Variants in NSMF observed in about 807,000 individuals in gnomAD.
The protein encoded by NSMF is nasal embryonic LHRH factor.
A neutral mutation model predicts 71.0 loss-of-function variants in NSMF; 31 were observed. That is an observed-to-expected ratio of 0.44 (90% confidence interval 0.33 to 0.59). The LOEUF is 0.59. Ranked by LOEUF, NSMF falls within the 20% of genes least tolerant of loss-of-function variation. The pLI is 0.04. For synonymous variants in NSMF, 345 were observed against 287.1 expected (o/e 1.20, Z -2.04); for missense variants, 673 against 740.5 (o/e 0.91, Z 1.06).
intron 1 of NSMF, 152 bp from the exon 2 acceptor site, chr9:137,458,701 G>A (rs1436984634): frequency 5.0e-6 from 4 of 802,150 alleles, no homozygotes; most frequent in Admixed American, 4.0e-5. Flanking sequence ...ACACACCCTT[G>A]GTCCTGGTGC....
At chr9:137,456,207 T>TGGG (rs375727289) in intron 4 of NSMF, among the ~76,000 whole-genome samples, 5 of 103,118 alleles carry the variant, frequency 4.8e-5, no homozygotes, top group African/African-American at 1.4e-4. Context: ...TGTGTGTGTG[T>TGGG]GGGGGGGGGG....
Position 137,449,964 on chromosome 9 carries a change from T to C in NSMF, c.1378A>G (p.Ile460Val), listed in dbSNP as rs1830387558. ...TTCCCCAGAATGTAGCAGCCCATGA[T>C]GTGGATGACGTTCGGCTCTGGGTTC... Reference protein sequence around the residue: ...KVNPEPNVIHIMGCYILGNPN... With the variant: ...KVNPEPNVIHVMGCYILGNPN... Residue 460 changes from isoleucine to valine, a missense_variant, in exon 14 of 16, where the codon ATC (isoleucine) becomes GTC (valine). By Grantham distance (29) the Ile-to-Val change is conservative. This residue lies in a region of NSMF where 202 missense variants were observed against 280.8 expected (regional missense o/e 0.72). Transcript: ENST00000371475. 10 of 1,613,070 alleles carry C rather than the reference T, an allele frequency of 6.2e-6. No individual in the cohort carries two copies. Among genetic ancestry groups the C allele is most frequent in the African/African-American group, 2.7e-5 (2 of 74,894 alleles).
intron 12 of NSMF, among the ~76,000 whole-genome samples, chr9:137,451,105 A>T (rs990391599): frequency 4.5e-5 from 1 of 22,304 alleles, no homozygotes; most frequent in African/African-American, 2.3e-4. Flanking sequence ...TTCCCCTGCC[A>T]CACGTCTCTT....
In NSMF at chr9:137,449,378, C is replaced by G. The variant is rs780056337; in HGVS notation, c.*16G>C. 1.9e-6 allele frequency: 3 copies of G among 1,606,510 alleles called. No individual in the cohort carries two copies. Among genetic ancestry groups the G allele is most frequent in the East Asian group, 2.2e-5 (1 of 44,818 alleles). On this transcript the variant is annotated 3_prime_UTR_variant, in exon 16 of 16. Coordinates refer to ENST00000371475, the MANE Select transcript of NSMF (RefSeq NM_001130969.3). ...AGGGAGTGGCCTGATGGTGACTGGG[C>G]GGAGGCCTCTGCCCCTCACAGGACG...
Position 137,457,813 on chromosome 9 carries a change from G to A in NSMF, c.222C>T (p.Val74=), listed in dbSNP as rs548587622. The change falls in exon 3 of 16, where the codon GTC becomes GTT. Residue 74 remains valine (V), a synonymous_variant. Transcript: ENST00000371475. The part of the protein sequence containing the change: ...APQNKRRLSL[V]SNGCYEGSLS... The stretch of plus-strand genomic sequence containing the variant: ...GGCTGCCCTCGTAGCAGCCGTTGGA[G>A]ACGAGGGACAGGCGGCGCTTGTTCT... The A allele has an allele frequency of 2.6e-6, 4 of 1,558,180 alleles. No homozygotes were observed. Among genetic ancestry groups the A allele is most frequent in the Non-Finnish European group, 3.5e-6 (4 of 1,151,156 alleles).
rs542963676 is a variant in NSMF at position 137,455,269 on chromosome 9, C to A, written c.749G>T (p.Arg250Leu). The stretch of plus-strand genomic sequence containing the variant: ...GATTACAGACGCGGAATCATTCTCC[C>A]GTTTCCGGCGCTTCCTCTCCGCGTA... Reference protein sequence around the residue: ...RGYAERKRRKRENDSASVIQR... With the variant: ...RGYAERKRRKLENDSASVIQR... The change falls in exon 6 of 16, where the codon CGG becomes CTG. Residue 250 changes from arginine (R) to leucine (L), a missense_variant. This residue lies in a region of NSMF where 471 missense variants were observed against 459.6 expected (regional missense o/e 1.02). Coordinates refer to ENST00000371475, the MANE Select transcript of NSMF (RefSeq NM_001130969.3). 1 of 1,612,810 alleles carries A rather than the reference C, an allele frequency of 6.2e-7. No homozygotes were observed. Among genetic ancestry groups the A allele is most frequent in the Non-Finnish European group, 8.5e-7 (1 of 1,179,936 alleles).
Position 137,453,918 on chromosome 9 carries a change from G to T in NSMF, c.833-98C>A. 9.8e-7 allele frequency: 1 copy of T among 1,017,526 alleles called. No individual in the cohort carries two copies. Among genetic ancestry groups the T allele is most frequent in the Non-Finnish European group, 1.5e-6 (1 of 681,338 alleles). The allele number at this position is 1,017,526 out of a possible 1,614,324, so 63.0% of individuals were successfully genotyped here. A position where few individuals can be genotyped will look rare whatever the true frequency, so the allele number is the denominator to read the frequency against. On this transcript the variant is annotated intron_variant, in intron 7 of 15. Transcript: ENST00000371475. This position sits in a 1 kb window ranked among gnomAD's most constrained non-coding sequence, Gnocchi z 4.5. ...GACCACAGGGGCCCTGGGCAGAGGA[G>T]GAAGCTAATGTGGGTGGGGTCTAAG...
chr9:137,449,493 T>G lies in NSMF; in HGVS notation c.1496-2A>C, dbSNP rs769978224. Reference sequence around the variant, plus strand: ...AGTACGTCTCGATCATCTGCTTCCCTGGGCGGAGCGGGGGCAGGAGGCTCA... The same window carrying G: ...AGTACGTCTCGATCATCTGCTTCCCGGGGCGGAGCGGGGGCAGGAGGCTCA... On this transcript the variant is annotated splice_acceptor_variant, in intron 15 of 15. Coordinates refer to ENST00000371475, the MANE Select transcript of NSMF (RefSeq NM_001130969.3). LOFTEE classifies it high-confidence loss of function. 1 of 1,612,700 alleles carries G rather than the reference T, an allele frequency of 6.2e-7. No individual in the cohort carries two copies. The highest frequency in any genetic ancestry group is 8.5e-7 in the Non-Finnish European group (1 of 1,179,888).
chr9:137,453,407 C>T lies in NSMF; in HGVS notation c.923-227G>A. 2 of 637,130 alleles carry T rather than the reference C, an allele frequency of 3.1e-6. No homozygotes were observed. The highest frequency in any genetic ancestry group is 5.4e-6 in the Non-Finnish European group (2 of 370,724). The allele number at this position is 637,130 out of a possible 1,614,324, so 39.5% of individuals were successfully genotyped here. ...CCTGGTGCGAGGCCGGTGGAAGGCG[C>T]GTGCAGGCATCAGCTCCAGCCAAGT... On this transcript the variant is annotated intron_variant, in intron 8 of 15. Coordinates refer to ENST00000371475, the MANE Select transcript of NSMF (RefSeq NM_001130969.3). The surrounding 1 kb of genome is among the most constrained non-coding windows in gnomAD (Gnocchi z 4.5).
In NSMF at chr9:137,452,260, C is replaced by G. The variant is rs1340813968; in HGVS notation, c.1236+105G>C. The G allele has an allele frequency of 1.3e-4, 152 of 1,167,728 alleles. 1 individual carries two copies. The highest frequency in any genetic ancestry group is 1.9e-4 in the Non-Finnish European group (148 of 788,090). The allele number at this position is 1,167,728 out of a possible 1,614,324, so 72.3% of individuals were successfully genotyped here. On this transcript the variant is annotated intron_variant, in intron 12 of 15. Coordinates refer to ENST00000371475, the MANE Select transcript of NSMF (RefSeq NM_001130969.3). ...ACCTCTTCCCCTTGGTCTCCCCACCCCAACCTCTTCCCCTTGGTCTCCCCC... is the reference window on the plus strand; with the variant it reads ...ACCTCTTCCCCTTGGTCTCCCCACCGCAACCTCTTCCCCTTGGTCTCCCCC...
In NSMF at chr9:137,457,558, G is replaced by A. The variant is rs762147479; in HGVS notation, c.477C>T (p.Gly159=). 7 of 1,587,416 alleles carry A rather than the reference G, an allele frequency of 4.4e-6. No individual in the cohort carries two copies. The Admixed American group carries it at 1.1e-4, about 24-fold the overall frequency. ...GGCACTCCTTGGAGCCCTGGCGGCT[G>A]CCCGCCCAGCTCTGGCAGGGCCTGC... ...DVSRPCQSWA[G]SRQGSKECPG... The change falls in exon 3 of 16, where the codon GGC becomes GGT. Residue 159 remains glycine, a synonymous_variant. Coordinates refer to ENST00000371475, the MANE Select transcript of NSMF (RefSeq NM_001130969.3).
Position 137,453,792 on chromosome 9 carries a change from G to A in NSMF, c.861C>T (p.Phe287=). Residue 287 remains phenylalanine (F), a synonymous_variant, in exon 8 of 16, where the codon TTC becomes TTT. Coordinates refer to ENST00000371475, the MANE Select transcript of NSMF (RefSeq NM_001130969.3). This position sits in a 1 kb window ranked among gnomAD's most constrained non-coding sequence, Gnocchi z 4.5. ...GGGTGGGGTCGCTCCAGGACCGGCT[G>A]AAGCTCCGCTCGCGCCGCTCAGCGA... ...QTFAERRERS[F]SRSWSDPTPM... 6.3e-7 allele frequency: 1 copy of A among 1,598,618 alleles called. No individual in the cohort carries two copies. The highest frequency in any genetic ancestry group is 8.5e-7 in the Non-Finnish European group (1 of 1,177,920).
Position 137,452,359 on chromosome 9 carries a change from C to T in NSMF, c.1236+6G>A, listed in dbSNP as rs1178837220. ...TCCTGGTCAGGAGACGAGCACTGAGCCCCACCTGGCAGAAAATCAGCATTT... is the reference window on the plus strand; with the variant it reads ...TCCTGGTCAGGAGACGAGCACTGAGTCCCACCTGGCAGAAAATCAGCATTT... On this transcript the variant is annotated splice_donor_region_variant and intron_variant, in intron 12 of 15. Transcript: ENST00000371475. 9 of 1,611,436 alleles carry T rather than the reference C, an allele frequency of 5.6e-6. No individual in the cohort carries two copies. Among genetic ancestry groups the T allele is most frequent in the Non-Finnish European group, 6.8e-6 (8 of 1,179,614 alleles).
chr9:137,453,670 A>AGGGGTCT lies in NSMF; in HGVS notation c.922+54_922+60dup, dbSNP rs2131985086. ...GCGGCCCTGGCAGGGGACCCCCAGC[A>AGGGGTCT]GGGGTCTGGGGTCTAGGGGAGGCTC... On this transcript the variant is annotated intron_variant, in intron 8 of 15. Transcript: ENST00000371475. The surrounding 1 kb of genome is among the most constrained non-coding windows in gnomAD (Gnocchi z 4.5). 6.8e-6 allele frequency: 9 copies of AGGGGTCT among 1,321,734 alleles called. No homozygotes were observed. In the East Asian group the frequency reaches 1.9e-4, roughly 29 times the overall value. The allele number at this position is 1,321,734 out of a possible 1,614,324, so 81.9% of individuals were successfully genotyped here.
intron 7 of NSMF, 26 bp downstream of exon 7, chr9:137,454,365 C>A (rs776597417): frequency 2.6e-6 from 4 of 1,548,504 alleles, no homozygotes; most frequent in East Asian, 2.4e-5. Flanking sequence ...ACGCCGCCCC[C>A]CCACCCCCGC....
chr9:137,453,743 C>G lies in NSMF; in HGVS notation c.910G>C (p.Asp304His). The change falls in exon 8 of 16, where the codon GAC (aspartate) becomes CAC (histidine). Residue 304 changes from aspartate to histidine, a missense_variant. Asp to His is a moderately conservative substitution (Grantham distance 81, BLOSUM62 -1). Around this residue, in one of 2 missense-constraint regions of NSMF, gnomAD observed 471 missense variants for 459.6 expected, o/e 1.02. Transcript: ENST00000371475. This position sits in a 1 kb window ranked among gnomAD's most constrained non-coding sequence, Gnocchi z 4.5. ...GCGGGGCACCTACTGTCTCGGGAGT[C>G]GTGGGAAGTGTCGGCTTTCATGGGG... ...PTPMKADTSH[D>H]SRDSSDLQSS... 1 of 1,601,664 alleles carries G rather than the reference C, an allele frequency of 6.2e-7. No individual in the cohort carries two copies. Among genetic ancestry groups the G allele is most frequent in the Non-Finnish European group, 8.5e-7 (1 of 1,178,072 alleles).
In NSMF at chr9:137,453,867, C is replaced by T. The variant is rs1486687453; in HGVS notation, c.833-47G>A. On this transcript the variant is annotated intron_variant, in intron 7 of 15. Transcript: ENST00000371475. The surrounding 1 kb of genome is among the most constrained non-coding windows in gnomAD (Gnocchi z 4.5). ...TTAGCGAGCGGGTGGGGCGGGGCCT[C>T]GGGAGTCTCAGACCCCAGGCGAGGG... is the stretch of plus-strand genomic sequence containing the variant. 2.0e-6 allele frequency: 3 copies of T among 1,504,478 alleles called. No homozygotes were observed. Among genetic ancestry groups the T allele is most frequent in the African/African-American group, 2.8e-5 (2 of 72,196 alleles). 93.2% of individuals were successfully genotyped at this position (1,504,478 alleles called of 1,614,324 possible). A position where few individuals can be genotyped will look rare whatever the true frequency, so the allele number is the denominator to read the frequency against.
Position 137,453,681 on chromosome 9 carries a change from G to A in NSMF, c.922+50C>T. ...AGGGGACCCCCAGCAGGGGTCTGGGGTCTAGGGGAGGCTCTGGGGAAGGTG... is the reference window on the plus strand; with the variant it reads ...AGGGGACCCCCAGCAGGGGTCTGGGATCTAGGGGAGGCTCTGGGGAAGGTG... On this transcript the variant is annotated intron_variant, in intron 8 of 15. Coordinates refer to ENST00000371475, the MANE Select transcript of NSMF (RefSeq NM_001130969.3). The surrounding 1 kb of genome is among the most constrained non-coding windows in gnomAD (Gnocchi z 4.5). 1 of 1,468,988 alleles carries A rather than the reference G, an allele frequency of 6.8e-7. No homozygotes were observed. The highest frequency in any genetic ancestry group is 9.3e-7 in the Non-Finnish European group (1 of 1,076,410). 91.0% of individuals were successfully genotyped at this position (1,468,988 alleles called of 1,614,324 possible).
chr9:137,457,591 C>T lies in NSMF; in HGVS notation c.444G>A (p.Glu148=), dbSNP rs1302398927. 1 of 1,560,934 alleles carries T rather than the reference C, an allele frequency of 6.4e-7. No individual in the cohort carries two copies. Among genetic ancestry groups the T allele is most frequent in the Non-Finnish European group, 8.7e-7 (1 of 1,152,874 alleles). The change falls in exon 3 of 16, where the codon GAG becomes GAA. Residue 148 remains glutamate (E), a synonymous_variant. Transcript: ENST00000371475. ...PLRASPGGSR[E]DVSRPCQSWA... ...AGCTCTGGCAGGGCCTGCTGACGTCCTCCCGGCTGCCACCAGGGCTGGCGC... is the reference window on the plus strand; with the variant it reads ...AGCTCTGGCAGGGCCTGCTGACGTCTTCCCGGCTGCCACCAGGGCTGGCGC...
Sources: allele counts gnomAD v4.1 joint callset (sites outside exome capture counted in the v4.1 genomes callset), GRCh38; gene constraint gnomAD v4.1.1; regional missense constraint gnomAD v4.1.1; non-coding constraint Gnocchi (gnomAD v3.1); transcripts MANE v1.5; gene names NCBI Gene and HGNC (gene_info 2026-07-23, HGNC 2026-07-21).